Variants in ZNHIT6 observed in about 807,000 individuals in gnomAD.
The protein encoded by ZNHIT6 is zinc finger HIT-type containing 6.
ZNHIT6 carries 45 observed loss-of-function variants against 57.2 expected under a neutral mutation model. That is an observed-to-expected ratio of 0.79 (90% CI 0.62 to 1.01). The LOEUF is 1.01. Ranked by LOEUF, ZNHIT6 falls within the 50% of genes least tolerant of loss-of-function variation. The pLI, the probability that ZNHIT6 is intolerant of heterozygous loss-of-function variation, is 0.00. For synonymous variants in ZNHIT6, 188 were observed against 190.0 expected, an observed-to-expected ratio of 0.99 and a Z score of 0.09; for missense variants, 528 against 567.3, an observed-to-expected ratio of 0.93 and a Z score of 0.70.
intron 8 of ZNHIT6, among the ~76,000 whole-genome samples, chr1:85,667,958 A>AT (rs1448865814): frequency 1.3e-4 from 9 of 70,330 alleles, no homozygotes; most frequent in Non-Finnish European, 1.4e-4. Flanking sequence ...AAAAAAAAAA[A>AT]AAAATATATA....
chr1:85,688,431 T>C (rs933152584), intron 5 of ZNHIT6, among the ~76,000 whole-genome samples: 5 of 152,244 alleles, frequency 3.3e-5, no homozygotes, highest in African/African-American at 1.2e-4. Flanking sequence ...TATGTATTTT[T>C]CTGTACTGCG....
At chr1:85,683,517 C>T (rs982345527) in intron 5 of ZNHIT6, among the ~76,000 whole-genome samples, 5 of 148,246 alleles carry the variant, frequency 3.4e-5, no homozygotes, top group South Asian at 2.1e-4. Flanking sequence ...AGCAAGATTC[C>T]GTCACAGAAA....
In ZNHIT6 at chr1:85,652,796, A is replaced by C. The variant is rs1381089450; in HGVS notation, c.*1262T>G. 6.6e-6 allele frequency: 1 copy of C among 152,234 alleles called. No homozygotes were observed. The highest frequency in any genetic ancestry group is 1.5e-5 in the Non-Finnish European group (1 of 68,042). 9.4% of individuals were successfully genotyped at this position (152,234 alleles called of 1,614,324 possible). ...TCATTGCTTTTTAACCATTAAGTAC[A>C]CACATACAATATAGATGTAACAATC... On this transcript the variant is annotated 3_prime_UTR_variant, in exon 10 of 10. Transcript: ENST00000370574.
intron 9 of ZNHIT6, among the ~76,000 whole-genome samples, chr1:85,657,098 T>C (rs977295112): frequency 1.3e-5 from 2 of 152,146 alleles, no homozygotes; most frequent in African/African-American, 4.8e-5. Context: ...TCTTCCTCAC[T>C]TCTTAAAGGT....
intron 5 of ZNHIT6, among the ~76,000 whole-genome samples, chr1:85,686,357 CTTT>C (rs1662038622): frequency 6.6e-6 from 1 of 152,024 alleles, no homozygotes; most frequent in Non-Finnish European, 1.5e-5. Context: ...ATATATTTCT[CTTT>C]TTTATCTTAG....
At chr1:85,674,587 A>G (rs1661651213) in intron 8 of ZNHIT6, among the ~76,000 whole-genome samples, 2 of 152,216 alleles carry the variant, frequency 1.3e-5, no homozygotes, top group South Asian at 4.1e-4. Context: ...ATTCCACGTA[A>G]TTCATGTTTA....
chr1:85,658,632 G>A (rs978977780), intron 8 of ZNHIT6, among the ~76,000 whole-genome samples: 10 of 152,102 alleles, frequency 6.6e-5, no homozygotes, highest in African/African-American at 2.4e-4. Flanking sequence ...AGCACTTTGG[G>A]AGGTCAAGGT....
At position 85,708,292 on chromosome 1, in the gene ZNHIT6, C is replaced by A. The variant is rs753123857; in HGVS notation, c.-8G>T. 9.3e-5 allele frequency: 148 copies of A among 1,588,302 alleles called. No homozygotes were observed. The highest frequency in any genetic ancestry group is 1.2e-4 in the Non-Finnish European group (143 of 1,166,286). On this transcript the variant is annotated 5_prime_UTR_variant, in exon 1 of 10. Coordinates refer to ENST00000370574, the MANE Select transcript of ZNHIT6 (RefSeq NM_017953.4). ...TTCAGCAGCAAACTCCATCAACTCA[C>A]GATCCTTGGCCTCTGCTGCCACTCT... is the stretch of plus-strand genomic sequence containing the variant.
chr1:85,677,728 A>G (rs898369952), intron 7 of ZNHIT6, among the ~76,000 whole-genome samples: 69 of 152,208 alleles, frequency 4.5e-4, no homozygotes, highest in Non-Finnish European at 1.6e-4. Flanking sequence ...TTTTATCAAA[A>G]GCAAAAGAAT....
At chr1:85,705,965 GA>G in intron 4 of ZNHIT6, 112 bp downstream of exon 4, 1 of 875,734 alleles carries the variant, frequency 1.1e-6, no homozygotes. Flanking sequence ...TAAGTAATCA[GA>G]ATAGCTCTAC....
intron 5 of ZNHIT6, among the ~76,000 whole-genome samples, chr1:85,686,469 C>A (rs76665362): frequency 6.6e-6 from 1 of 151,996 alleles, no homozygotes; most frequent in Non-Finnish European, 1.5e-5. Flanking sequence ...GAGTTACAAA[C>A]GGAGGCTAAA....
chr1:85,655,851 C>T, intron 9 of ZNHIT6, among the ~76,000 whole-genome samples: 1 of 152,102 alleles, frequency 6.6e-6, no homozygotes, highest in Non-Finnish European at 1.5e-5. Flanking sequence ...TTGGCTACTG[C>T]TGATTAATAT....
chr1:85,698,872 T>C (rs780763529), intron 5 of ZNHIT6, among the ~76,000 whole-genome samples: 20 of 152,146 alleles, frequency 1.3e-4, no homozygotes, highest in Non-Finnish European at 2.9e-4. Flanking sequence ...GAATATACAG[T>C]AAATGTGGCA....
In ZNHIT6 at chr1:85,702,371, A is replaced by C. The variant is rs1662561215; in HGVS notation, c.916-111T>G. The C allele has an allele frequency of 7.6e-6, 5 of 661,060 alleles. No individual in the cohort carries two copies. The Admixed American group carries it at 1.4e-4, about 19-fold the overall frequency. 40.9% of individuals were successfully genotyped at this position (661,060 alleles called of 1,614,324 possible). On this transcript the variant is annotated intron_variant, in intron 4 of 9. Coordinates refer to ENST00000370574, the MANE Select transcript of ZNHIT6 (RefSeq NM_017953.4). ...GATTTACTGAGAACCTAAGTGTTAC[A>C]ACAGCTCTAAGCAGTAATCTCATGT...
At chr1:85,657,086 A>G (rs1661080495) in intron 9 of ZNHIT6, among the ~76,000 whole-genome samples, 1 of 152,174 alleles carries the variant, frequency 6.6e-6, no homozygotes, top group Admixed American at 6.5e-5. Flanking sequence ...TAAGGTGGGT[A>G]ATCTTCCTCA....
In ZNHIT6 at chr1:85,706,264, T is replaced by G. The variant is rs771706703; in HGVS notation, c.814A>C (p.Met272Leu). 6.2e-7 allele frequency: 1 copy of G among 1,611,332 alleles called. No homozygotes were observed. ...AYISIQQFTE[M>L]NLLSDYRFLE... The stretch of plus-strand genomic sequence containing the variant: ...AGTGGCTTACCACTTAGGAGATTCA[T>G]TTCAGTAAACTGTTGTATTGAAATG... The change falls in exon 3 of 10, where the codon ATG becomes CTG. Residue 272 changes from methionine (M) to leucine (L), a missense_variant. Transcript: ENST00000370574.
intron 5 of ZNHIT6, 125 bp from the exon 6 acceptor site, chr1:85,681,029 C>T: frequency 1.6e-6 from 1 of 629,568 alleles, no homozygotes; most frequent in South Asian, 2.5e-5. Context: ...CATATATTTT[C>T]TATTAAGAGC....
chr1:85,705,147 G>A (rs965237511), intron 4 of ZNHIT6, among the ~76,000 whole-genome samples: 4 of 152,116 alleles, frequency 2.6e-5, no homozygotes. Context: ...TTTTCAAAAG[G>A]CAAATTTATG....
chr1:85,696,580 T>C (rs1662377052), intron 5 of ZNHIT6, among the ~76,000 whole-genome samples: 1 of 152,072 alleles, frequency 6.6e-6, no homozygotes, highest in African/African-American at 2.4e-5. Flanking sequence ...CTCCTGACTA[T>C]AGATCATCTA....
Sources: gnomAD v4.1 joint callset for allele counts (sites outside exome capture counted in the v4.1 genomes callset) on GRCh38, gnomAD v4.1.1 for gene constraint, MANE v1.5 for transcripts, NCBI Gene and HGNC (gene_info 2026-07-23, HGNC 2026-07-21) for gene names.